Variants in TTC28 observed in about 807,000 individuals in gnomAD.
TTC28 encodes the protein tetratricopeptide repeat protein 28.
Under a neutral mutation model 198.0 loss-of-function variants are expected in TTC28, and 61 were observed. That is an observed-to-expected ratio of 0.31 (90% CI 0.25 to 0.38). TTC28 has a LOEUF of 0.38. Among genes scored for constraint, TTC28 ranks in the 10% least tolerant of loss-of-function variants. TTC28 has a pLI of 1.00. For missense variants in TTC28, 2,678 were observed against 3,164.0 expected (o/e 0.85, Z 3.69); for synonymous variants, 1,171 against 1,297.8 (o/e 0.90, Z 2.10).
At chr22:28,501,669 T>C (rs1011895286) in intron 2 of TTC28, among the ~76,000 whole-genome samples, 8 of 152,194 alleles carry the variant, frequency 5.3e-5, no homozygotes, top group Admixed American at 4.6e-4. Context: ...CCCATAAATA[T>C]GTAAAATATT....
intron 5 of TTC28, among the ~76,000 whole-genome samples, chr22:28,247,730 C>A (rs963808952): frequency 2.6e-5 from 4 of 152,122 alleles, no homozygotes; most frequent in African/African-American, 9.7e-5. Context: ...AGAGAAAGGC[C>A]TTGTCAACAA....
intron 2 of TTC28, among the ~76,000 whole-genome samples, chr22:28,340,736 C>A (rs2045815643): frequency 6.6e-6 from 1 of 152,134 alleles, no homozygotes; most frequent in Non-Finnish European, 1.5e-5. Context: ...ATCTGAGTCA[C>A]AATCCTCTTT....
At chr22:28,035,057 G>A (rs1471308116) in intron 12 of TTC28, among the ~76,000 whole-genome samples, 3 of 152,164 alleles carry the variant, frequency 2.0e-5, no homozygotes, top group South Asian at 2.1e-4. Context: ...TGCAAGCATG[G>A]CCACCTGATC....
intron 6 of TTC28, among the ~76,000 whole-genome samples, chr22:28,160,576 T>C (rs960197427): frequency 6.6e-6 from 1 of 152,158 alleles, no homozygotes; most frequent in African/African-American, 2.4e-5. Context: ...AGTATGTATG[T>C]TACAATCCAA....
At chr22:28,062,039 C>A (rs761148486) in intron 12 of TTC28, among the ~76,000 whole-genome samples, 11 of 151,780 alleles carry the variant, frequency 7.2e-5, no homozygotes. Context: ...CGGTGTATAA[C>A]TCAACTTTAA....
chr22:28,267,393 T>G (rs1052789756), intron 5 of TTC28, among the ~76,000 whole-genome samples: 3 of 152,174 alleles, frequency 2.0e-5, no homozygotes, highest in African/African-American at 7.2e-5. Flanking sequence ...ATCTATTCCT[T>G]TTAATAGTCA....
At chr22:28,117,580 G>T (rs567964741) in intron 6 of TTC28, among the ~76,000 whole-genome samples, 2 of 152,166 alleles carry the variant, frequency 1.3e-5, no homozygotes, top group Non-Finnish European at 2.9e-5. Flanking sequence ...AATTACCTTG[G>T]ACCTACACAG....
At chr22:28,233,390 C>G (rs1343469990) in intron 5 of TTC28, among the ~76,000 whole-genome samples, 1 of 152,076 alleles carries the variant, frequency 6.6e-6, no homozygotes, top group Non-Finnish European at 1.5e-5. Context: ...AGGGAGATAT[C>G]TCTATACCTC....
chr22:28,428,646 T>TTTTATTTTAC (rs2047386459), intron 2 of TTC28, among the ~76,000 whole-genome samples: 2 of 150,896 alleles, frequency 1.3e-5, no homozygotes, highest in Non-Finnish European at 2.9e-5. Context: ...TTTTATTTTA[T>TTTTATTTTAC]TTTATTTTTT....
chr22:28,002,605 T>A (rs938978971), intron 14 of TTC28: 1 of 136,306 alleles, frequency 7.3e-6, no homozygotes, highest in African/African-American at 2.6e-5. Context: ...ACCCATATGG[T>A]TTTTTTTTTT....
intron 5 of TTC28, among the ~76,000 whole-genome samples, chr22:28,188,744 A>C (rs1310335733): frequency 6.6e-6 from 1 of 152,166 alleles, no homozygotes; most frequent in African/African-American, 2.4e-5. Flanking sequence ...GAATGCTGGC[A>C]GTCATGCTGG....
intron 1 of TTC28, among the ~76,000 whole-genome samples, chr22:28,634,824 A>T (rs2051242013): frequency 6.6e-6 from 1 of 151,636 alleles, no homozygotes; most frequent in South Asian, 2.1e-4. Flanking sequence ...ACCTCAAGTG[A>T]TCCACCCACC....
At chr22:28,318,812 CTTTTTTTT>C (rs71316836) in intron 2 of TTC28, among the ~76,000 whole-genome samples, 71 of 61,350 alleles carry the variant, frequency 1.2e-3, no homozygotes, top group African/African-American at 4.0e-3. Flanking sequence ...GAAGTGTATT[CTTTTTTTT>C]TTTTTTTTTT....
chr22:28,008,179 T>C (rs9613560), intron 14 of TTC28: 8,639 of 152,332 alleles, frequency 0.057, 364 homozygotes, highest in Admixed American at 0.13. Context: ...CGACTTATCC[T>C]GCTACCTGAT....
In TTC28 at chr22:28,423,486, A is replaced by T. The variant is rs541412615; in HGVS notation, c.382-116843T>A. 3.3e-4 allele frequency among the ~76,000 whole-genome samples: 51 copies of T among 152,352 alleles called. 1 individual carries two copies. Among genetic ancestry groups the T allele is most frequent in the Admixed American group, 1.7e-3 (26 of 15,312 alleles). On this transcript the variant is annotated intron_variant, in intron 2 of 22. Coordinates refer to ENST00000397906, the MANE Select transcript of TTC28 (RefSeq NM_001145418.2). ...CATAGCTTTCCCCACAAAATTCAGTAAAGTATGATAAAATTTTAAGTAATC... is the reference window on the plus strand; with the variant it reads ...CATAGCTTTCCCCACAAAATTCAGTTAAGTATGATAAAATTTTAAGTAATC...
chr22:28,170,754 C>T (rs1387159151), intron 5 of TTC28, among the ~76,000 whole-genome samples: 1 of 152,080 alleles, frequency 6.6e-6, no homozygotes, highest in East Asian at 1.9e-4. Context: ...GTGTTGGTTA[C>T]TCTGGAGGGC....
At position 28,030,260 on chromosome 22, in the gene TTC28, G is replaced by A. The variant is rs941560744; in HGVS notation, c.4039C>T (p.Leu1347=). 3.9e-6 allele frequency: 6 copies of A among 1,551,660 alleles called. No homozygotes were observed. In the African/African-American group the frequency reaches 8.2e-5, roughly 21 times the overall value. The change falls in exon 13 of 23, where the codon CTG becomes TTG. Residue 1347 remains leucine, a synonymous_variant. Transcript: ENST00000397906. ...AGGTTATTGCGGCGAACCATCCGCA[G>A]AAAGCCAGTGGGGTCAGTGACCGAG... ...LNSVTDPTGF[L]RMVRRNNLFN...
At chr22:28,514,835 G>T (rs1183814909) in intron 2 of TTC28, among the ~76,000 whole-genome samples, 1 of 152,178 alleles carries the variant, frequency 6.6e-6, no homozygotes, top group Non-Finnish European at 1.5e-5. Flanking sequence ...TAAAAGAGTA[G>T]TTCCAAAGCA....
intron 6 of TTC28, among the ~76,000 whole-genome samples, chr22:28,154,417 T>TTTGC (rs1943701271): frequency 6.6e-6 from 1 of 151,276 alleles, no homozygotes; most frequent in Non-Finnish European, 1.5e-5. Flanking sequence ...AGTGGCGCGA[T>TTTGC]CTCGGCACAC....
Sources: gnomAD v4.1 joint callset for allele counts (sites outside exome capture counted in the v4.1 genomes callset) on GRCh38, gnomAD v4.1.1 for gene constraint, MANE v1.5 for transcripts, NCBI Gene and HGNC (gene_info 2026-07-23, HGNC 2026-07-21) for gene names.